The following ANK1 variants were observed in gnomAD, a reference collection of about 807,000 sequenced individuals.
ANK1 encodes the protein ankyrin 1, also known as ankyrin-1.
Under a neutral mutation model 210.4 loss-of-function variants are expected in ANK1, and 51 were observed. That is an observed-to-expected ratio of 0.24 (90% confidence interval 0.19 to 0.31). The LOEUF (loss-of-function observed/expected upper bound fraction) is 0.31, where lower values mean the gene tolerates loss of function less well. Among genes scored for constraint, ANK1 ranks in the 10% least tolerant of loss-of-function variants. ANK1 has a pLI of 1.00. For synonymous variants in ANK1, 967 were observed against 1,025.9 expected (o/e 0.94, Z 1.10); for missense variants, 2,051 against 2,504.4 (o/e 0.82, Z 3.86).
In ANK1 at chr8:41,867,267, G is replaced by A. The variant is rs772391631; in HGVS notation, c.126+29088C>T. On this transcript the variant is annotated intron_variant, in intron 1 of 42. Coordinates refer to the ANK1 transcript ENST00000265709. ...TTTCCTCTCGTCTTGTGATGGGCTT[G>A]TTTCAGAGTGGAAGGGGTGAAACTG... 4.6e-5 allele frequency among the ~76,000 whole-genome samples: 7 copies of A among 152,176 alleles called. 1 individual carries two copies. The highest frequency in any genetic ancestry group is 7.4e-5 in the Non-Finnish European group (5 of 68,022).
chr8:41,859,204 G>A (rs1812786113), intron 1 of ANK1, among the ~76,000 whole-genome samples: 1 of 152,252 alleles, frequency 6.6e-6, no homozygotes, highest in Non-Finnish European at 1.5e-5. Flanking sequence ...CGGAAGGAGA[G>A]AAAGCCCCCT....
chr8:41,766,613 G>C (rs757498618), intron 1 of ANK1, among the ~76,000 whole-genome samples: 22 of 152,208 alleles, frequency 1.4e-4, no homozygotes, highest in Non-Finnish European at 2.8e-4. Context: ...CCCGACCCTG[G>C]AGGCTGGGCA....
Position 41,733,956 on chromosome 8 carries a change from C to T in ANK1, c.228+15G>A, listed in dbSNP as rs751479303. 4 of 1,611,922 alleles carry T rather than the reference C, an allele frequency of 2.5e-6. No homozygotes were observed. Among genetic ancestry groups the T allele is most frequent in the Admixed American group, 1.7e-5 (1 of 60,024 alleles). On this transcript the variant is annotated intron_variant, in intron 3 of 42. Coordinates refer to ENST00000289734, the MANE Select transcript of ANK1 (RefSeq NM_000037.4). ...ATTTTCAATGCAAAGCTCCCCCACT[C>T]CCTGTGAGACATACCTTGGTTGTCG...
chr8:41,749,033 T>TG (rs1836968393), intron 2 of ANK1, among the ~76,000 whole-genome samples: 6 of 127,488 alleles, frequency 4.7e-5, no homozygotes, highest in Non-Finnish European at 8.4e-5. Flanking sequence ...AGACTCCATC[T>TG]CAAAAAAAAA....
chr8:41,800,259 G>T (rs527812016), upstream of ANK1, among the ~76,000 whole-genome samples: 1 of 152,024 alleles, frequency 6.6e-6, no homozygotes, highest in Non-Finnish European at 1.5e-5. Context: ...TTAAGCACTT[G>T]ACAAAATATT....
At chr8:41,874,184 G>A (rs1816123321) in intron 1 of ANK1, among the ~76,000 whole-genome samples, 1 of 152,210 alleles carries the variant, frequency 6.6e-6, no homozygotes, top group Non-Finnish European at 1.5e-5. Flanking sequence ...CGCACTTAGG[G>A]ATGGACCAGG....
intron 37 of ANK1, among the ~76,000 whole-genome samples, chr8:41,674,239 G>A (rs1813435339): frequency 6.6e-6 from 1 of 152,196 alleles, no homozygotes; most frequent in South Asian, 2.1e-4. Context: ...CAAAATAAGA[G>A]AGGTCCGATT....
intron 26 of ANK1, among the ~76,000 whole-genome samples, chr8:41,695,632 T>G (rs1234311715): frequency 2.0e-5 from 3 of 152,236 alleles, no homozygotes; most frequent in Non-Finnish European, 4.4e-5. Context: ...ATTCCAAAAA[T>G]CCACCTGACA....
Position 41,823,632 on chromosome 8 carries a change from C to A in ANK1, c.127-65495G>T, listed in dbSNP as rs191997504. ...AAAAAAAATTAGCCGGGCATGGTGG[C>A]ATGAGTCTGTAGTTCCAGCTACTCA... On this transcript the variant is annotated intron_variant, in intron 1 of 42. Coordinates refer to the ANK1 transcript ENST00000265709. 1.8e-3 allele frequency among the ~76,000 whole-genome samples: 278 copies of A among 151,734 alleles called. 1 individual carries two copies. The highest frequency in any genetic ancestry group is 1.3e-3 in the Non-Finnish European group (89 of 67,936).
chr8:41,862,079 G>A (rs906207844), intron 1 of ANK1, among the ~76,000 whole-genome samples: 3 of 152,106 alleles, frequency 2.0e-5, no homozygotes, highest in African/African-American at 7.2e-5. Flanking sequence ...AAAATTTCGG[G>A]GAAATTGGCA....
At chr8:41,723,800 T>TTA (rs1170213284) in intron 7 of ANK1, among the ~76,000 whole-genome samples, 167 bp from the exon 8 acceptor site, 1 of 150,230 alleles carries the variant, frequency 6.7e-6, no homozygotes, top group Non-Finnish European at 1.5e-5. Context: ...TTATTTTTTT[T>TTA]TTTTTTTGAG....
At chr8:41,780,180 C>T (rs1844977372) in intron 1 of ANK1, among the ~76,000 whole-genome samples, 1 of 152,154 alleles carries the variant, frequency 6.6e-6, no homozygotes, top group Non-Finnish European at 1.5e-5. Flanking sequence ...GCCAATCAGA[C>T]CAGACAGTTG....
At chr8:41,787,932 C>T (rs1372943237) in intron 1 of ANK1, among the ~76,000 whole-genome samples, 1 of 152,092 alleles carries the variant, frequency 6.6e-6, no homozygotes, top group Non-Finnish European at 1.5e-5. Context: ...AATACACCAC[C>T]CTGCCCCCCA....
At chr8:41,697,873 C>T (rs1821539676) in intron 24 of ANK1, 170 bp downstream of exon 24, 1 of 726,778 alleles carries the variant, frequency 1.4e-6, no homozygotes, top group African/African-American at 1.7e-5. Flanking sequence ...CCCAGCGCCA[C>T]CAATGTTGCA....
intron 1 of ANK1, chr8:41,840,413 TC>T (rs1392925054): frequency 6.6e-6 from 1 of 152,238 alleles, no homozygotes; most frequent in Non-Finnish European, 1.5e-5. Flanking sequence ...TGTACCTACC[TC>T]TTTTTTTCAC....
intron 18 of ANK1, 128 bp downstream of exon 18, chr8:41,706,015 C>CTT (rs1824471693): frequency 1.1e-6 from 1 of 923,494 alleles, no homozygotes; most frequent in African/African-American, 1.6e-5. Context: ...ACTCCACTGC[C>CTT]AGCCCTAGGA....
chr8:41,836,547 C>T (rs950864691), intron 1 of ANK1, among the ~76,000 whole-genome samples: 1 of 152,218 alleles, frequency 6.6e-6, no homozygotes. Context: ...GCTCCTAGAC[C>T]AAGTTCCATT....
rs567936768 is a variant in ANK1 at position 41,694,990 on chromosome 8, C to T, written c.3115+187G>A. On this transcript the variant is annotated intron_variant, in intron 27 of 42. Coordinates refer to ENST00000289734, the MANE Select transcript of ANK1 (RefSeq NM_000037.4). The surrounding 1 kb of genome is among the most constrained non-coding windows in gnomAD (Gnocchi z 5.7). The stretch of plus-strand genomic sequence containing the variant: ...GCCCAGAGGCCCAGCAGAGCAGATG[C>T]GGCTGCAGGCAGCCGCTGAGCATCC... 7.2e-5 allele frequency among the ~76,000 whole-genome samples: 11 copies of T among 152,294 alleles called. No homozygotes were observed. Among genetic ancestry groups the T allele is most frequent in the South Asian group, 6.2e-4 (3 of 4,824 alleles).
intron 37 of ANK1, among the ~76,000 whole-genome samples, chr8:41,680,565 CAA>C (rs3063741): frequency 0.22 from 27,754 of 123,360 alleles, 3,229 homozygotes; most frequent in East Asian, 0.51. Context: ...AACTCTATCT[CAA>C]AAAAAAAAAA....
Sources: allele counts gnomAD v4.1 joint callset (sites outside exome capture counted in the v4.1 genomes callset), GRCh38; gene constraint gnomAD v4.1.1; non-coding constraint Gnocchi (gnomAD v3.1); transcripts MANE v1.5; gene names NCBI Gene and HGNC (gene_info 2026-07-23, HGNC 2026-07-21).